The following PRIM2 variants were observed in gnomAD, a reference collection of about 807,000 sequenced individuals.
The protein encoded by PRIM2 is DNA primase subunit 2, also known as DNA primase large subunit.
In PRIM2, 39 loss-of-function variants were observed where a neutral mutation model predicts 67.3. That is an observed-to-expected ratio of 0.58 (90% CI 0.45 to 0.76). PRIM2 has a LOEUF of 0.76. Ranked by LOEUF, PRIM2 falls within the 30% of genes least tolerant of loss-of-function variation. PRIM2 has a pLI of 0.00. For synonymous variants in PRIM2, 143 were observed against 198.7 expected (o/e 0.72, Z 2.36); for missense variants, 398 against 598.7 (o/e 0.66, Z 3.50).
intron 7 of PRIM2, chr6:57,383,491 A>G (rs985751975): frequency 2.7e-5 from 4 of 148,866 alleles, no homozygotes; most frequent in Middle Eastern, 3.2e-3. Context: ...TTCTTACCAA[A>G]TTTTTAATTT....
chr6:57,466,647 C>T (rs143295967), intron 7 of PRIM2, among the ~76,000 whole-genome samples: 113 of 152,260 alleles, frequency 7.4e-4, no homozygotes, highest in African/African-American at 2.5e-3. Context: ...TCATATCCTT[C>T]GCCCACTTTT....
chr6:57,586,351 G>A (rs1202357914), intron 10 of PRIM2, among the ~76,000 whole-genome samples: 63 of 152,248 alleles, frequency 4.1e-4, no homozygotes, highest in Non-Finnish European at 7.6e-4. Context: ...GTGTGTGGTT[G>A]GGTTGGGTGA....
chr6:57,362,255 T>G (rs1769225096), intron 5 of PRIM2, among the ~76,000 whole-genome samples: 1 of 152,176 alleles, frequency 6.6e-6, no homozygotes. Flanking sequence ...ATTTGAAATA[T>G]ACGATAGAAA....
chr6:57,423,354 T>C (rs1771522651), intron 7 of PRIM2, among the ~76,000 whole-genome samples: 1 of 152,208 alleles, frequency 6.6e-6, no homozygotes, highest in Non-Finnish European at 1.5e-5. Context: ...GTACTGTGGT[T>C]GACAACATAT....
chr6:57,447,106 ATCT>A (rs1241351291), intron 7 of PRIM2, among the ~76,000 whole-genome samples: 3 of 152,204 alleles, frequency 2.0e-5, no homozygotes, highest in Non-Finnish European at 4.4e-5. Context: ...ATTGCTTAAA[ATCT>A]TCTTTCTGCC....
the PRIM2 span, among the ~76,000 whole-genome samples, chr6:57,258,185 A>G: frequency 5.3e-5 from 8 of 152,322 alleles, no homozygotes; most frequent in East Asian, 5.8e-4. Flanking sequence ...TAACCTAACA[A>G]TCGGGAGTGG....
chr6:57,437,935 G>A (rs1280421988), intron 7 of PRIM2, among the ~76,000 whole-genome samples: 2 of 152,046 alleles, frequency 1.3e-5, no homozygotes, highest in Non-Finnish European at 2.9e-5. Flanking sequence ...GGAATTACAG[G>A]CATGAGCCAC....
In PRIM2 at chr6:57,617,973, T is replaced by A. The variant is rs1424021884; in HGVS notation, c.1230+11516T>A. ...TTTTGCTTGTGAATATCCAGTTTTC[T>A]AACACTATTTCTTGAAGAGACAGTT... On this transcript the variant is annotated intron_variant, in intron 12 of 13. Coordinates refer to ENST00000615550, the MANE Select transcript of PRIM2 (RefSeq NM_000947.5). Among the ~76,000 whole-genome samples the A allele has an allele frequency of 5.7e-3, 864 of 152,352 alleles. 10 individuals carry two copies. Among genetic ancestry groups the A allele is most frequent in the Middle Eastern group, 0.041 (12 of 294 alleles).
At chr6:57,475,387 A>T (rs1773452916) in intron 7 of PRIM2, among the ~76,000 whole-genome samples, 2 of 152,152 alleles carry the variant, frequency 1.3e-5, no homozygotes, top group Admixed American at 1.3e-4. Context: ...CCAGACCTAG[A>T]CAAACACTAA....
chr6:57,635,925 G>A (rs1285410056), intron 13 of PRIM2, among the ~76,000 whole-genome samples: 6 of 152,078 alleles, frequency 3.9e-5, no homozygotes, highest in Non-Finnish European at 8.8e-5. Context: ...AAAATTTTCA[G>A]TGGCTTCCTA....
intron 10 of PRIM2, among the ~76,000 whole-genome samples, chr6:57,579,932 A>G (rs1776050637): frequency 1.3e-5 from 2 of 152,200 alleles, no homozygotes; most frequent in African/African-American, 4.8e-5. Flanking sequence ...TAAAAGGTAT[A>G]GTCTACTAAT....
intron 7 of PRIM2, among the ~76,000 whole-genome samples, chr6:57,385,515 A>G (rs1164264837): frequency 6.6e-6 from 1 of 152,204 alleles, no homozygotes; most frequent in African/African-American, 2.4e-5. Flanking sequence ...CCACAATTCA[A>G]CATCCAAATA....
chr6:57,431,594 C>T (rs548647533), intron 7 of PRIM2, among the ~76,000 whole-genome samples: 102 of 151,958 alleles, frequency 6.7e-4, no homozygotes, highest in African/African-American at 2.4e-3. Context: ...CTACAGTGAG[C>T]AATGATAGTG....
At chr6:57,440,316 G>A (rs1445121494) in intron 7 of PRIM2, among the ~76,000 whole-genome samples, 1 of 151,738 alleles carries the variant, frequency 6.6e-6, no homozygotes, top group Admixed American at 6.6e-5. Flanking sequence ...TCAAGACAGA[G>A]TCTTGCTCTG....
intron 8 of PRIM2, among the ~76,000 whole-genome samples, chr6:57,525,268 A>G (rs1554349261): frequency 3.3e-5 from 5 of 152,140 alleles, no homozygotes; most frequent in African/African-American, 4.8e-5. Flanking sequence ...CCCTTCAACA[A>G]CCTTAATAAA....
chr6:57,510,044 T>G (rs1774332399), intron 8 of PRIM2, among the ~76,000 whole-genome samples: 1 of 151,790 alleles, frequency 6.6e-6, no homozygotes, highest in African/African-American at 2.4e-5. Flanking sequence ...TTAGTTCACC[T>G]CCGTAGTCTG....
the PRIM2 span, among the ~76,000 whole-genome samples, chr6:57,287,582 G>A: frequency 1.3e-5 from 2 of 152,038 alleles, no homozygotes; most frequent in Admixed American, 1.3e-4. Flanking sequence ...ACACAGGGAG[G>A]GGACCATCAC....
chr6:57,555,156 T>C (rs1334094863), intron 10 of PRIM2, among the ~76,000 whole-genome samples: 4 of 152,266 alleles, frequency 2.6e-5, no homozygotes, highest in African/African-American at 7.2e-5. Flanking sequence ...TTTGAGAAGA[T>C]GGCTGATTTA....
At chr6:57,418,586 T>C (rs72873505) in intron 7 of PRIM2, among the ~76,000 whole-genome samples, 1 of 151,272 alleles carries the variant, frequency 6.6e-6, no homozygotes, top group South Asian at 2.1e-4. Context: ...ATTTTTAGTA[T>C]AGATGGGGTT....
Sources: gnomAD v4.1 joint callset for allele counts (sites outside exome capture counted in the v4.1 genomes callset) on GRCh38, gnomAD v4.1.1 for gene constraint, MANE v1.5 for transcripts, NCBI Gene and HGNC (gene_info 2026-07-23, HGNC 2026-07-21) for gene names.